The following UMAD1 variants were observed in gnomAD, a reference collection of about 807,000 sequenced individuals.
UMAD1 encodes UBAP1-MVB12-associated (UMA)-domain containing protein 1.
A neutral mutation model predicts 6.1 loss-of-function variants in UMAD1; 8 were observed. The observed-to-expected ratio is 1.30, with a 90% CI of 0.76 to 2.35. The LOEUF (loss-of-function observed/expected upper bound fraction) is 2.35. Among genes scored for constraint, UMAD1 ranks in the 30% most tolerant of loss-of-function variants. The pLI is 0.00. For synonymous variants in UMAD1, 56 were observed against 31.4 expected, an observed-to-expected ratio of 1.78 and a Z score of -2.61; for missense variants, 130 against 78.4, an observed-to-expected ratio of 1.66 and a Z score of -2.49.
chr7:7,717,336 C>G (rs1484242771), intron 2 of UMAD1, among the ~76,000 whole-genome samples: 1 of 152,144 alleles, frequency 6.6e-6, no homozygotes, highest in African/African-American at 2.4e-5. Context: ...GAATTACAGG[C>G]ATAAGCCACC....
At chr7:7,796,361 C>T (rs1782680589) in intron 2 of UMAD1, among the ~76,000 whole-genome samples, 1 of 147,830 alleles carries the variant, frequency 6.8e-6, no homozygotes, top group East Asian at 2.0e-4. Context: ...AAGTGATTCT[C>T]CTGCTTCAGC....
At chr7:7,746,916 T>A (rs190869944) in intron 2 of UMAD1, among the ~76,000 whole-genome samples, 2 of 152,042 alleles carry the variant, frequency 1.3e-5, no homozygotes, top group Admixed American at 6.6e-5. Flanking sequence ...TAAGAGATTT[T>A]AAAAAAATGT....
At chr7:7,641,419 C>T (rs779358209) in intron 1 of UMAD1, 7 of 152,260 alleles carry the variant, frequency 4.6e-5, no homozygotes, top group Non-Finnish European at 1.0e-4. Context: ...GCGTGTTTTC[C>T]CCATCTGCAA....
At chr7:7,664,270 A>T (rs1026427009) in intron 1 of UMAD1, among the ~76,000 whole-genome samples, 1 of 151,892 alleles carries the variant, frequency 6.6e-6, no homozygotes, top group African/African-American at 2.4e-5. Flanking sequence ...TTCTTTTCTC[A>T]TTCAAACTTC....
At chr7:7,747,997 C>T (rs897086474) in intron 2 of UMAD1, among the ~76,000 whole-genome samples, 8 of 152,064 alleles carry the variant, frequency 5.3e-5, no homozygotes, top group South Asian at 2.1e-4. Context: ...TTTACAGTGG[C>T]GTGATCTCGG....
At chr7:7,719,879 G>A (rs1781008453) in intron 2 of UMAD1, among the ~76,000 whole-genome samples, 2 of 152,174 alleles carry the variant, frequency 1.3e-5, no homozygotes, top group South Asian at 4.1e-4. Flanking sequence ...TCAGTGTACT[G>A]TGTTTAAGTG....
chr7:7,724,559 C>T lies in UMAD1; in HGVS notation c.82+51106C>T, dbSNP rs1166317211. The stretch of plus-strand genomic sequence containing the variant: ...CTGGAAGGATTGCAGGGAGTAGTGC[C>T]ACCATTAAGGACTTGAAAGATGCAG... On this transcript the variant is annotated intron_variant, in intron 2 of 3. Transcript: ENST00000682710. Among the ~76,000 whole-genome samples, 4 of 152,176 alleles carry T rather than the reference C, an allele frequency of 2.6e-5. No homozygotes were observed. In the East Asian group the frequency reaches 7.7e-4, roughly 29 times the overall value.
intron 3 of UMAD1, among the ~76,000 whole-genome samples, chr7:7,821,416 T>C (rs1308769962): frequency 6.6e-6 from 1 of 152,228 alleles, no homozygotes; most frequent in Non-Finnish European, 1.5e-5. Flanking sequence ...TTAAAATTAA[T>C]TTCACCTGTT....
intron 1 of UMAD1, among the ~76,000 whole-genome samples, chr7:7,672,099 C>T (rs570116070): frequency 4.8e-4 from 73 of 152,316 alleles, no homozygotes; most frequent in African/African-American, 1.6e-3. Flanking sequence ...GGCTTTCACT[C>T]ACATTAAATC....
At chr7:7,848,348 A>G (rs1047211305) in intron 3 of UMAD1, among the ~76,000 whole-genome samples, 2 of 152,158 alleles carry the variant, frequency 1.3e-5, no homozygotes, top group Non-Finnish European at 2.9e-5. Context: ...TTTTTGATAC[A>G]TTGCTGTGAA....
In UMAD1 at chr7:7,784,192, T is replaced by C. The variant is rs560082471; in HGVS notation, c.83-17478T>C. Among the ~76,000 whole-genome samples the C allele has an allele frequency of 2.4e-4, 37 of 152,314 alleles. 1 individual carries two copies. The South Asian group carries it at 7.0e-3, about 29-fold the overall frequency. Reference sequence around the variant, plus strand: ...GAACTTTTTAAACTCTCTTTTGTTATTTGCTTCACTTATTAAATCAGCAAA... The same window carrying C: ...GAACTTTTTAAACTCTCTTTTGTTACTTGCTTCACTTATTAAATCAGCAAA... On this transcript the variant is annotated intron_variant, in intron 2 of 3. Coordinates refer to ENST00000682710, the MANE Select transcript of UMAD1 (RefSeq NM_001302348.2).
At chr7:7,849,894 A>G (rs1783880293) in intron 3 of UMAD1, among the ~76,000 whole-genome samples, 1 of 152,138 alleles carries the variant, frequency 6.6e-6, no homozygotes, top group Admixed American at 6.6e-5. Context: ...TTAGGAGGAT[A>G]TGCTCAGTGG....
chr7:7,680,346 T>C (rs976742977), intron 2 of UMAD1, among the ~76,000 whole-genome samples: 2 of 152,172 alleles, frequency 1.3e-5, no homozygotes, highest in Non-Finnish European at 2.9e-5. Context: ...ATGAGTTCAT[T>C]GTAAATGTGT....
intron 2 of UMAD1, among the ~76,000 whole-genome samples, chr7:7,705,027 C>A (rs1180793600): frequency 6.6e-6 from 1 of 152,140 alleles, no homozygotes; most frequent in African/African-American, 2.4e-5. Flanking sequence ...CATGGTGCTT[C>A]TTGGCATCTG....
At chr7:7,820,557 A>C (rs888046328) in intron 3 of UMAD1, among the ~76,000 whole-genome samples, 2 of 152,146 alleles carry the variant, frequency 1.3e-5, no homozygotes, top group African/African-American at 4.8e-5. Context: ...TCTGTCACTT[A>C]TGTTTTGCTA....
chr7:7,688,567 T>G (rs1222971957), intron 2 of UMAD1, among the ~76,000 whole-genome samples: 3 of 152,202 alleles, frequency 2.0e-5, no homozygotes, highest in African/African-American at 7.2e-5. Flanking sequence ...TCAGATGAAA[T>G]CTGTCTCGAG....
At chr7:7,817,009 G>A (rs576319317) in intron 3 of UMAD1, among the ~76,000 whole-genome samples, 2 of 152,276 alleles carry the variant, frequency 1.3e-5, no homozygotes, top group East Asian at 3.9e-4. Flanking sequence ...ATGGTCCTTC[G>A]TGGTCTGGTC....
At chr7:7,691,732 T>C (rs958113229) in intron 2 of UMAD1, among the ~76,000 whole-genome samples, 2 of 152,208 alleles carry the variant, frequency 1.3e-5, no homozygotes, top group Non-Finnish European at 1.5e-5. Flanking sequence ...GACTGACAAA[T>C]CCCTAATTTA....
intron 3 of UMAD1, among the ~76,000 whole-genome samples, chr7:7,809,786 C>G (rs73356287): frequency 0.019 from 2,935 of 152,080 alleles, 113 homozygotes; most frequent in African/African-American, 0.066. Context: ...CACTCTTCTT[C>G]TGATGTGTTT....
Sources: gnomAD v4.1 joint callset for allele counts (sites outside exome capture counted in the v4.1 genomes callset) on GRCh38, gnomAD v4.1.1 for gene constraint, MANE v1.5 for transcripts, NCBI Gene and HGNC (gene_info 2026-07-23, HGNC 2026-07-21) for gene names.